Variants in LENEP observed in about 807,000 individuals in gnomAD.
LENEP encodes the protein lens epithelial protein.
Under a neutral mutation model 4.1 loss-of-function variants are expected in LENEP, and 2 were observed. That is an observed-to-expected ratio of 0.49 (90% CI 0.20 to 1.53). The LOEUF (loss-of-function observed/expected upper bound fraction) is 1.53, where lower values mean the gene tolerates loss of function less well. LENEP is among the 40% of genes most tolerant of loss of function. The pLI is 0.23. For missense variants in LENEP, 63 were observed against 77.0 expected (o/e 0.82, Z 0.68); for synonymous variants, 30 against 33.3 (o/e 0.90, Z 0.34).
Position 154,993,702 on chromosome 1 carries a change from T to G in LENEP, c.95T>G (p.Met32Arg), listed in dbSNP as rs752377547. ...DTGLRVPVIK[M>R]GTGWEGFQRT... is the part of the protein sequence containing the mutation. The stretch of plus-strand genomic sequence containing the variant: ...GGGCTGCGGGTGCCTGTCATTAAGA[T>G]GGGCACAGGGTGGGAGGGCTTCCAG... The change falls in exon 1 of 1, where the codon ATG (methionine) becomes AGG (arginine). Residue 32 changes from methionine to arginine, a missense_variant. By Grantham distance (91) the Met-to-Arg change is moderately conservative. Transcript: ENST00000392487. The G allele has an allele frequency of 6.2e-7, 1 of 1,612,950 alleles. No homozygotes were observed. The highest frequency in any genetic ancestry group is 8.5e-7 in the Non-Finnish European group (1 of 1,179,550).
Position 154,994,082 on chromosome 1 carries a change from C to T in LENEP, c.*289C>T, listed in dbSNP as rs958560694. The T allele has an allele frequency of 5.3e-6, 2 of 380,688 alleles. No individual in the cohort carries two copies. The highest frequency in any genetic ancestry group is 5.4e-5 in the South Asian group (2 of 36,800). The allele number at this position is 380,688 out of a possible 1,614,324, so 23.6% of individuals were successfully genotyped here. On this transcript the variant is annotated 3_prime_UTR_variant, in exon 1 of 1. Transcript: ENST00000392487. Reference sequence around the variant, plus strand: ...ATCTCTGAGCCTCCTTCATTCCCAACCCCTGCCTCTGGTGGACCTCTGGTG... The same window carrying T: ...ATCTCTGAGCCTCCTTCATTCCCAATCCCTGCCTCTGGTGGACCTCTGGTG...
At position 154,994,049 on chromosome 1, in the gene LENEP, C is replaced by G. The variant is rs967421020; in HGVS notation, c.*256C>G. On this transcript the variant is annotated 3_prime_UTR_variant, in exon 1 of 1. Transcript: ENST00000392487. Reference sequence around the variant, plus strand: ...GCTTTGAGCTGTGTCATCTAGCAGACCTGCCTCATCTCTGAGCCTCCTTCA... The same window carrying G: ...GCTTTGAGCTGTGTCATCTAGCAGAGCTGCCTCATCTCTGAGCCTCCTTCA... The G allele has an allele frequency of 2.2e-6, 1 of 450,614 alleles. No individual in the cohort carries two copies. The highest frequency in any genetic ancestry group is 4.8e-5 in the East Asian group (1 of 20,810). 27.9% of individuals were successfully genotyped at this position (450,614 alleles called of 1,614,324 possible).
rs758334919 is a variant in LENEP at position 154,993,619 on chromosome 1, G to A, written c.12G>A (p.Arg4=). ...GAACTGTTGCCCACATGCAGCCCCG[G>A]ACACAGCCCCTAGCCCAAACCCTAC... MQP[R]TQPLAQTLPF... is the part of the protein sequence containing the mutation. The change falls in exon 1 of 1, where the codon CGG becomes CGA. Residue 4 remains arginine, a synonymous_variant. Coordinates refer to ENST00000392487, the MANE Select transcript of LENEP (RefSeq NM_001394530.1). 3 of 1,611,534 alleles carry A rather than the reference G, an allele frequency of 1.9e-6. No individual in the cohort carries two copies. The highest frequency in any genetic ancestry group is 2.2e-5 in the South Asian group (2 of 90,930).
Position 154,993,669 on chromosome 1 carries a change from G to GA in LENEP, c.63dup (p.Asp22ArgfsTer10). On this transcript the variant is annotated frameshift_variant, in exon 1 of 1. Transcript: ENST00000392487. LOFTEE classifies it high-confidence loss of function. ...CCCTTCTTCCTCGGAGGGGCCCCTC[G>GA]AGACACTGGGCTGCGGGTGCCTGTC... 6.2e-7 allele frequency: 1 copy of GA among 1,613,426 alleles called. No individual in the cohort carries two copies. The highest frequency in any genetic ancestry group is 8.5e-7 in the Non-Finnish European group (1 of 1,179,732).
Position 154,994,134 on chromosome 1 carries a change from G to T in LENEP, c.*341G>T, listed in dbSNP as rs755259990. The T allele has an allele frequency of 3.3e-6, 1 of 298,612 alleles. No homozygotes were observed. The highest frequency in any genetic ancestry group is 3.4e-5 in the South Asian group (1 of 29,560). 18.5% of individuals were successfully genotyped at this position (298,612 alleles called of 1,614,324 possible). ...GCAGGAGCTTGGACTGCTCTGGCTA[G>T]GACCCCAGTAAGATTGTGGCAAGAC... On this transcript the variant is annotated 3_prime_UTR_variant, in exon 1 of 1. Coordinates refer to ENST00000392487, the MANE Select transcript of LENEP (RefSeq NM_001394530.1).
In LENEP at chr1:154,993,701, A is replaced by G. The variant is rs1298902311; in HGVS notation, c.94A>G (p.Met32Val). Reference protein sequence around the residue: ...DTGLRVPVIKMGTGWEGFQRT... With the variant: ...DTGLRVPVIKVGTGWEGFQRT... The stretch of plus-strand genomic sequence containing the variant: ...TGGGCTGCGGGTGCCTGTCATTAAG[A>G]TGGGCACAGGGTGGGAGGGCTTCCA... Residue 32 changes from methionine (M) to valine (V), a missense_variant, in exon 1 of 1, where the codon ATG becomes GTG. By Grantham distance (21) the Met-to-Val change is conservative. Coordinates refer to ENST00000392487, the MANE Select transcript of LENEP (RefSeq NM_001394530.1). The G allele has an allele frequency of 2.5e-6, 4 of 1,612,774 alleles. No individual in the cohort carries two copies. The highest frequency in any genetic ancestry group is 3.3e-5 in the Admixed American group (2 of 59,736).
In LENEP at chr1:154,993,665, C is replaced by G; in HGVS notation, c.58C>G (p.Pro20Ala). 1 of 1,613,588 alleles carries G rather than the reference C, an allele frequency of 6.2e-7. No homozygotes were observed. Among genetic ancestry groups the G allele is most frequent in the Non-Finnish European group, 8.5e-7 (1 of 1,179,792 alleles). ...CCTACCCTTCTTCCTCGGAGGGGCCCCTCGAGACACTGGGCTGCGGGTGCC... is the reference window on the plus strand; with the variant it reads ...CCTACCCTTCTTCCTCGGAGGGGCCGCTCGAGACACTGGGCTGCGGGTGCC... ...QTLPFFLGGA[P>A]RDTGLRVPVI... The change falls in exon 1 of 1, where the codon CCT (proline) becomes GCT (alanine). Residue 20 changes from proline to alanine, a missense_variant. Physicochemically the swap from Pro to Ala is conservative, Grantham distance 27. Coordinates refer to ENST00000392487, the MANE Select transcript of LENEP (RefSeq NM_001394530.1).
rs1657990915 is a variant in LENEP at position 154,994,034 on chromosome 1, G to C, written c.*241G>C. ...TAAAGTGTGGATCCTGCTTTGAGCT[G>C]TGTCATCTAGCAGACCTGCCTCATC... On this transcript the variant is annotated 3_prime_UTR_variant, in exon 1 of 1. Coordinates refer to ENST00000392487, the MANE Select transcript of LENEP (RefSeq NM_001394530.1). 1 of 489,014 alleles carries C rather than the reference G, an allele frequency of 2.0e-6. No individual in the cohort carries two copies. Among genetic ancestry groups the C allele is most frequent in the Non-Finnish European group, 3.6e-6 (1 of 278,752 alleles). 30.3% of individuals were successfully genotyped at this position (489,014 alleles called of 1,614,324 possible).
rs749886302 is a variant in LENEP, at chr1:154,994,143, T to G, written c.*350T>G. On this transcript the variant is annotated 3_prime_UTR_variant, in exon 1 of 1. Coordinates refer to ENST00000392487, the MANE Select transcript of LENEP (RefSeq NM_001394530.1). ...TGGACTGCTCTGGCTAGGACCCCAGTAAGATTGTGGCAAGACCTGGCACTC... is the reference window on the plus strand; with the variant it reads ...TGGACTGCTCTGGCTAGGACCCCAGGAAGATTGTGGCAAGACCTGGCACTC... 5.7e-5 allele frequency: 16 copies of G among 281,520 alleles called. No individual in the cohort carries two copies. Among genetic ancestry groups the G allele is most frequent in the Non-Finnish European group, 8.7e-5 (13 of 149,114 alleles). The allele number at this position is 281,520 out of a possible 1,614,324, so 17.4% of individuals were successfully genotyped here.
At position 154,994,124 on chromosome 1, in the gene LENEP, G is replaced by A. The variant is rs1558078891; in HGVS notation, c.*331G>A. 3.1e-6 allele frequency: 1 copy of A among 323,006 alleles called. No individual in the cohort carries two copies. Among genetic ancestry groups the A allele is most frequent in the Non-Finnish European group, 5.7e-6 (1 of 174,216 alleles). The allele number at this position is 323,006 out of a possible 1,614,324, so 20.0% of individuals were successfully genotyped here. On this transcript the variant is annotated 3_prime_UTR_variant, in exon 1 of 1. Coordinates refer to ENST00000392487, the MANE Select transcript of LENEP (RefSeq NM_001394530.1). ...CCTCTGGTGGGCAGGAGCTTGGACTGCTCTGGCTAGGACCCCAGTAAGATT... is the reference window on the plus strand; with the variant it reads ...CCTCTGGTGGGCAGGAGCTTGGACTACTCTGGCTAGGACCCCAGTAAGATT...
At position 154,993,843 on chromosome 1, in the gene LENEP, G is replaced by A. The variant is rs200870723; in HGVS notation, c.*50G>A. 2.5e-4 allele frequency: 393 copies of A among 1,570,190 alleles called. No homozygotes were observed. Among genetic ancestry groups the A allele is most frequent in the Middle Eastern group, 3.5e-4 (2 of 5,786 alleles). On this transcript the variant is annotated 3_prime_UTR_variant, in exon 1 of 1. Coordinates refer to ENST00000392487, the MANE Select transcript of LENEP (RefSeq NM_001394530.1). ...CCCCACCAGCACCATGGCTGGCATC[G>A]CTCAGGTGGGCAGGGTAGAGTAAAC...
In LENEP at chr1:154,993,625, G is replaced by T; in HGVS notation, c.18G>T (p.Gln6His). 6.2e-7 allele frequency: 1 copy of T among 1,612,044 alleles called. No homozygotes were observed. The highest frequency in any genetic ancestry group is 8.5e-7 in the Non-Finnish European group (1 of 1,179,348). ...TTGCCCACATGCAGCCCCGGACACA[G>T]CCCCTAGCCCAAACCCTACCCTTCT... is the stretch of plus-strand genomic sequence containing the variant. MQPRT[Q>H]PLAQTLPFFL... is the part of the protein sequence containing the mutation. The change falls in exon 1 of 1, where the codon CAG (glutamine) becomes CAT (histidine). Residue 6 changes from glutamine (Q) to histidine (H), a missense_variant. Transcript: ENST00000392487.
At position 154,993,833 on chromosome 1, in the gene LENEP, G is replaced by A; in HGVS notation, c.*40G>A. On this transcript the variant is annotated 3_prime_UTR_variant, in exon 1 of 1. Coordinates refer to ENST00000392487, the MANE Select transcript of LENEP (RefSeq NM_001394530.1). ...TGCCTCCTCTCCCCACCAGCACCAT[G>A]GCTGGCATCGCTCAGGTGGGCAGGG... is the stretch of plus-strand genomic sequence containing the variant. 6.3e-7 allele frequency: 1 copy of A among 1,586,110 alleles called. No homozygotes were observed. The highest frequency in any genetic ancestry group is 8.6e-7 in the Non-Finnish European group (1 of 1,161,230).
At position 154,993,644 on chromosome 1, in the gene LENEP, C is replaced by T. The variant is rs1657977343; in HGVS notation, c.37C>T (p.Pro13Ser). The T allele has an allele frequency of 1.9e-6, 3 of 1,613,552 alleles. No individual in the cohort carries two copies. Among genetic ancestry groups the T allele is most frequent in the Admixed American group, 3.3e-5 (2 of 59,930 alleles). ...PRTQPLAQTL[P>S]FFLGGAPRDT... ...GACACAGCCCCTAGCCCAAACCCTA[C>T]CCTTCTTCCTCGGAGGGGCCCCTCG... The change falls in exon 1 of 1, where the codon CCC (proline) becomes TCC (serine). Residue 13 changes from proline (P) to serine (S), a missense_variant. Pro to Ser is a moderately conservative substitution (Grantham distance 74). Transcript: ENST00000392487.
rs751557564 is a variant in LENEP, at chr1:154,993,931, C to G, written c.*138C>G. On this transcript the variant is annotated 3_prime_UTR_variant, in exon 1 of 1. Transcript: ENST00000392487. ...TTAGCTTCTCATTCTCTTCTTTAGC[C>G]CCCAGCCCAATTGCCATCAAGACTC... is the stretch of plus-strand genomic sequence containing the variant. 8.4e-6 allele frequency: 7 copies of G among 836,030 alleles called. No homozygotes were observed. The highest frequency in any genetic ancestry group is 7.3e-6 in the Non-Finnish European group (4 of 544,296). 51.8% of individuals were successfully genotyped at this position (836,030 alleles called of 1,614,324 possible). A position where few individuals can be genotyped will look rare whatever the true frequency, so the allele number is the denominator to read the frequency against.
Position 154,994,142 on chromosome 1 carries a change from G to T in LENEP, c.*349G>T, listed in dbSNP as rs1005153553. 1.8e-5 allele frequency: 5 copies of T among 281,968 alleles called. No individual in the cohort carries two copies. Among genetic ancestry groups the T allele is most frequent in the African/African-American group, 1.2e-4 (5 of 43,208 alleles). The allele number at this position is 281,968 out of a possible 1,614,324, so 17.5% of individuals were successfully genotyped here. On this transcript the variant is annotated 3_prime_UTR_variant, in exon 1 of 1. Coordinates refer to ENST00000392487, the MANE Select transcript of LENEP (RefSeq NM_001394530.1). ...TTGGACTGCTCTGGCTAGGACCCCAGTAAGATTGTGGCAAGACCTGGCACT... is the reference window on the plus strand; with the variant it reads ...TTGGACTGCTCTGGCTAGGACCCCATTAAGATTGTGGCAAGACCTGGCACT...
Position 154,993,606 on chromosome 1 carries a change from A to T in LENEP, c.-2A>T. The T allele has an allele frequency of 6.2e-7, 1 of 1,605,108 alleles. No homozygotes were observed. Among genetic ancestry groups the T allele is most frequent in the Non-Finnish European group, 8.5e-7 (1 of 1,176,708 alleles). ...ACACCCTTCCTCGGAACTGTTGCCC[A>T]CATGCAGCCCCGGACACAGCCCCTA... On this transcript the variant is annotated 5_prime_UTR_variant, in exon 1 of 1. Transcript: ENST00000392487.
rs944022335 is a variant in LENEP at position 154,994,183 on chromosome 1, C to T, written c.*390C>T. 3 of 242,388 alleles carry T rather than the reference C, an allele frequency of 1.2e-5. No individual in the cohort carries two copies. Among genetic ancestry groups the T allele is most frequent in the East Asian group, 3.2e-4 (2 of 6,248 alleles). The allele number at this position is 242,388 out of a possible 1,614,324, so 15.0% of individuals were successfully genotyped here. On this transcript the variant is annotated 3_prime_UTR_variant, in exon 1 of 1. Transcript: ENST00000392487. ...ACCTGGCACTCCTCCAAGCTTGGCA[C>T]AGTGAGCCCACCAGCTCAGATGGTT...
In LENEP at chr1:154,993,885, G is replaced by C; in HGVS notation, c.*92G>C. On this transcript the variant is annotated 3_prime_UTR_variant, in exon 1 of 1. Coordinates refer to ENST00000392487, the MANE Select transcript of LENEP (RefSeq NM_001394530.1). ...AGAGTAAACAGGAGGCATAGCTGCA[G>C]CTTCTGTGGCAGAGCTTGCCTTAGC... 8.0e-7 allele frequency: 1 copy of C among 1,251,638 alleles called. No individual in the cohort carries two copies. Among genetic ancestry groups the C allele is most frequent in the Non-Finnish European group, 1.1e-6 (1 of 888,624 alleles). 77.5% of individuals were successfully genotyped at this position (1,251,638 alleles called of 1,614,324 possible).
Sources: gnomAD v4.1 joint callset for allele counts on GRCh38, gnomAD v4.1.1 for gene constraint, MANE v1.5 for transcripts, NCBI Gene and HGNC (gene_info 2026-07-23, HGNC 2026-07-21) for gene names.